The following HACD4 variants were observed in gnomAD, a reference collection of about 807,000 sequenced individuals.
The protein encoded by HACD4 is 3-hydroxyacyl-CoA dehydratase 4.
HACD4 carries 35 observed loss-of-function variants against 33.3 expected under a neutral mutation model. That is an observed-to-expected ratio of 1.05 (90% CI 0.80 to 1.39). The LOEUF (loss-of-function observed/expected upper bound fraction) is 1.39. HACD4 is among the 40% of genes most tolerant of loss of function. The probability of loss-of-function intolerance (pLI) is 0.00; values close to 1 mark genes in which losing one functional copy is unlikely to be tolerated. For synonymous variants in HACD4, 118 were observed against 98.0 expected (o/e 1.20, Z -1.21); for missense variants, 323 against 276.5 (o/e 1.17, Z -1.19).
chr9:21,001,254 T>C lies in HACD4; in HGVS notation c.*5783A>G, dbSNP rs371285488. 2.0e-5 allele frequency: 3 copies of C among 151,556 alleles called. No individual in the cohort carries two copies. Among genetic ancestry groups the C allele is most frequent in the South Asian group, 4.2e-4 (2 of 4,816 alleles). The allele number at this position is 151,556 out of a possible 1,614,324, so 9.4% of individuals were successfully genotyped here. ...TCAATATAGAGAAAATCTAAGACGA[T>C]ACAAAAAAGAAATTCAAGAGCTGGA... is the stretch of plus-strand genomic sequence containing the variant. On this transcript the variant is annotated 3_prime_UTR_variant, in exon 7 of 7. Transcript: ENST00000495827.
chr9:21,018,397 A>G (rs1461290316), intron 3 of HACD4, among the ~76,000 whole-genome samples: 17 of 152,166 alleles, frequency 1.1e-4, no homozygotes, highest in Non-Finnish European at 1.6e-4. Flanking sequence ...CTGAAATACT[A>G]AGACTCTTTC....
rs1046550573 is a variant in HACD4 at position 21,026,630 on chromosome 9, A to T, written c.236T>A (p.Ile79Asn). ...LLELLHIYVG[I>N]ESNHLLPRFL... ...CCTTGGGAGAAGATGGTTTGACTCA[A>T]TGCCAACATATATGTGCAGCAGTTC... The change falls in exon 3 of 7, where the codon ATT (isoleucine) becomes AAT (asparagine). Residue 79 changes from isoleucine (I) to asparagine (N), a missense_variant. Transcript: ENST00000495827. 7 of 1,613,478 alleles carry T rather than the reference A, an allele frequency of 4.3e-6. No homozygotes were observed. The highest frequency in any genetic ancestry group is 5.9e-6 in the Non-Finnish European group (7 of 1,179,574).
At chr9:21,030,467 A>G (rs1272259036) in intron 1 of HACD4, among the ~76,000 whole-genome samples, 1 of 152,080 alleles carries the variant, frequency 6.6e-6, no homozygotes, top group Non-Finnish European at 1.5e-5. Flanking sequence ...AATAAAAAAC[A>G]AAACAACAAC....
At chr9:21,014,027 G>A (rs1391257035) in intron 4 of HACD4, among the ~76,000 whole-genome samples, 1 of 152,134 alleles carries the variant, frequency 6.6e-6, no homozygotes, top group Non-Finnish European at 1.5e-5. Context: ...ATATTAGGAG[G>A]AAGGCATCAG....
chr9:21,007,993 C>CAA, intron 6 of HACD4, 28 bp downstream of exon 6: 1 of 1,567,412 alleles, frequency 6.4e-7, no homozygotes, highest in African/African-American at 1.4e-5. Flanking sequence ...AGGAAAAATG[C>CAA]AAAAACAAGA....
chr9:21,028,982 T>A (rs1159039491), intron 2 of HACD4, among the ~76,000 whole-genome samples: 1 of 152,240 alleles, frequency 6.6e-6, no homozygotes, highest in East Asian at 1.9e-4. Context: ...TGCTGAGATT[T>A]CCTCAAAACA....
chr9:21,029,943 C>T (rs546648557), intron 1 of HACD4, among the ~76,000 whole-genome samples: 5 of 152,218 alleles, frequency 3.3e-5, no homozygotes, highest in Admixed American at 1.3e-4. Flanking sequence ...ATTTGAAGTA[C>T]GGTTTCTAAT....
At chr9:21,025,823 G>C (rs1467474105) in intron 3 of HACD4, among the ~76,000 whole-genome samples, 1 of 152,180 alleles carries the variant, frequency 6.6e-6, no homozygotes, top group African/African-American at 2.4e-5. Flanking sequence ...TAGCTGCCGA[G>C]TATTGTATTC....
rs759211853 is a variant in HACD4 at position 21,031,542 on chromosome 9, G to A, written c.38+11C>T. On this transcript the variant is annotated intron_variant, in intron 1 of 6. Coordinates refer to ENST00000495827, the MANE Select transcript of HACD4 (RefSeq NM_001010915.5). ...CGCCCCCTCCCCTCGGGATTCGGCC[G>A]AGCGCCCTACCTGGGCTGCAGCCAG... is the stretch of plus-strand genomic sequence containing the variant. 32 of 1,463,864 alleles carry A rather than the reference G, an allele frequency of 2.2e-5. No individual in the cohort carries two copies. The Admixed American group carries it at 4.7e-4, about 22-fold the overall frequency. The allele number at this position is 1,463,864 out of a possible 1,614,324, so 90.7% of individuals were successfully genotyped here. A position where few individuals can be genotyped will look rare whatever the true frequency, so the allele number is the denominator to read the frequency against.
At chr9:21,017,563 C>T (rs1206660837) in intron 3 of HACD4, among the ~76,000 whole-genome samples, 1 of 152,168 alleles carries the variant, frequency 6.6e-6, no homozygotes, top group African/African-American at 2.4e-5. Context: ...TTCTTAGGCT[C>T]TACCTCTCTT....
chr9:21,017,569 C>G (rs1842590262), intron 3 of HACD4, among the ~76,000 whole-genome samples: 1 of 152,138 alleles, frequency 6.6e-6, no homozygotes, highest in Non-Finnish European at 1.5e-5. Context: ...GGCTCTACCT[C>G]TCTTACATTT....
chr9:21,016,585 A>G (rs922888852), intron 3 of HACD4, among the ~76,000 whole-genome samples: 6 of 152,168 alleles, frequency 3.9e-5, no homozygotes, highest in African/African-American at 1.4e-4. Context: ...CAAAGGGAGC[A>G]GCCTGAGCAA....
rs371325538 is a variant in HACD4 at position 21,017,595 on chromosome 9, AT to A, written c.271-1586del. 5.2e-4 allele frequency among the ~76,000 whole-genome samples: 79 copies of A among 152,274 alleles called. 2 individuals carry two copies. Among genetic ancestry groups the A allele is most frequent in the African/African-American group, 1.8e-3 (74 of 41,568 alleles). ...TCTTACATTTGATCAGTGCTTGGTT[AT>A]TAGGAAAACCTTCTGGTTTTTGCTA... On this transcript the variant is annotated intron_variant, in intron 3 of 6. Coordinates refer to ENST00000495827, the MANE Select transcript of HACD4 (RefSeq NM_001010915.5).
chr9:21,016,315 G>A lies in HACD4; in HGVS notation c.271-305C>T, dbSNP rs190163694. Among the ~76,000 whole-genome samples, 478 of 152,242 alleles carry A rather than the reference G, an allele frequency of 3.1e-3. 3 individuals are homozygous for A. The highest frequency in any genetic ancestry group is 4.9e-3 in the Admixed American group (75 of 15,296). ...CTAGTCACTTTGACAAGGCTTTATT[G>A]AGTGTCCACTGTGTGTCAGATGCCA... On this transcript the variant is annotated intron_variant, in intron 3 of 6. Transcript: ENST00000495827.
chr9:21,008,089 T>A lies in HACD4; in HGVS notation c.548A>T (p.Lys183Met). The change falls in exon 6 of 7, where the codon AAG becomes ATG. Residue 183 changes from lysine to methionine, a missense_variant. Lys to Met is a moderately conservative substitution (Grantham distance 95, BLOSUM62 -1). Transcript: ENST00000495827. ...YFESFGTYST[K>M]LPFDLSIYFP... ...ATAGATGGATAAGTCAAAGGGCAGCTTGGTGGAATAAGTGCCAAATGATTC... is the reference window on the plus strand; with the variant it reads ...ATAGATGGATAAGTCAAAGGGCAGCATGGTGGAATAAGTGCCAAATGATTC... The A allele has an allele frequency of 1.2e-6, 2 of 1,611,572 alleles. No individual in the cohort carries two copies. The highest frequency in any genetic ancestry group is 1.7e-6 in the Non-Finnish European group (2 of 1,178,646).
rs1842135612 is a variant in HACD4 at position 20,999,545 on chromosome 9, A to C, written c.*7492T>G. ...GAAGACAGTGGAAGTTTATTAAGAA[A>C]TTGTTCTTAACAATTAAAATATTCT... is the stretch of plus-strand genomic sequence containing the variant. On this transcript the variant is annotated 3_prime_UTR_variant, in exon 7 of 7. Coordinates refer to ENST00000495827, the MANE Select transcript of HACD4 (RefSeq NM_001010915.5). 6.6e-6 allele frequency: 1 copy of C among 152,146 alleles called. No homozygotes were observed. Among genetic ancestry groups the C allele is most frequent in the South Asian group, 2.1e-4 (1 of 4,834 alleles). The allele number at this position is 152,146 out of a possible 1,614,324, so 9.4% of individuals were successfully genotyped here. A position where few individuals can be genotyped will look rare whatever the true frequency, so the allele number is the denominator to read the frequency against.
intron 4 of HACD4, among the ~76,000 whole-genome samples, chr9:21,014,820 T>C (rs1842518071): frequency 6.6e-6 from 1 of 152,204 alleles, no homozygotes; most frequent in Non-Finnish European, 1.5e-5. Context: ...ATCTTCTACC[T>C]CTATGTCCAA....
intron 3 of HACD4, among the ~76,000 whole-genome samples, chr9:21,025,806 G>C (rs923688702): frequency 6.6e-6 from 1 of 152,198 alleles, no homozygotes; most frequent in African/African-American, 2.4e-5. Context: ...TAAGAAAATA[G>C]TAATAATAGC....
intron 1 of HACD4, 76 bp from the exon 2 acceptor site, chr9:21,029,474 G>A: frequency 1.2e-6 from 1 of 868,398 alleles, no homozygotes; most frequent in Non-Finnish European, 1.8e-6. Flanking sequence ...GCCCTTTAAT[G>A]TACTGGCCAA....
Sources: allele counts gnomAD v4.1 joint callset (sites outside exome capture counted in the v4.1 genomes callset), GRCh38; gene constraint gnomAD v4.1.1; transcripts MANE v1.5; gene names NCBI Gene and HGNC (gene_info 2026-07-23, HGNC 2026-07-21).